Variants in TNRC6C observed in about 807,000 individuals in gnomAD.
The protein encoded by TNRC6C is trinucleotide repeat-containing gene 6C protein.
Under a neutral mutation model 153.7 loss-of-function variants are expected in TNRC6C, and 20 were observed. The ratio of observed to expected loss-of-function variants is 0.13; its 90% CI spans 0.09 to 0.19. The LOEUF (loss-of-function observed/expected upper bound fraction) is 0.19. Among genes scored for constraint, TNRC6C ranks in the 10% least tolerant of loss-of-function variants. TNRC6C has a pLI of 1.00. For synonymous variants in TNRC6C, 811 were observed against 841.4 expected (o/e 0.96, Z 0.63); for missense variants, 1,987 against 2,172.0 (o/e 0.91, Z 1.69).
chr17:78,055,966 G>C (rs930533227), intron 3 of TNRC6C, among the ~76,000 whole-genome samples: 4 of 152,158 alleles, frequency 2.6e-5, no homozygotes, highest in African/African-American at 2.4e-5. Flanking sequence ...ACAGAGGTTA[G>C]AACCACATTG....
chr17:78,027,444 C>T (rs903303303), intron 1 of TNRC6C, among the ~76,000 whole-genome samples: 46 of 152,218 alleles, frequency 3.0e-4, no homozygotes, highest in African/African-American at 1.0e-3. Context: ...ACACAAACAC[C>T]GCAACCCTCT....
At chr17:78,099,785 C>G (rs2073556590) in intron 17 of TNRC6C, among the ~76,000 whole-genome samples, 1 of 152,210 alleles carries the variant, frequency 6.6e-6, no homozygotes, top group African/African-American at 2.4e-5. Context: ...TAACTCATTT[C>G]AGCATTAACT....
At chr17:77,972,039 GCAAA>G (rs1480175867) in intron 1 of TNRC6C, among the ~76,000 whole-genome samples, 5 of 151,670 alleles carry the variant, frequency 3.3e-5, no homozygotes, top group Non-Finnish European at 5.9e-5. Context: ...TAAACCGATG[GCAAA>G]CAAACAAAAA....
exon 3 of TNRC6C, chr17:78,051,391 A>G (rs1222747285): frequency 1.3e-6 from 2 of 1,549,688 alleles, no homozygotes; most frequent in Admixed American, 3.9e-5. Flanking sequence ...CAGGGTCGAG[A>G]CGCCGCCCCC....
chr17:78,048,644 A>G (rs995669239), intron 2 of TNRC6C, among the ~76,000 whole-genome samples: 6 of 152,366 alleles, frequency 3.9e-5, no homozygotes, highest in South Asian at 4.1e-4. Flanking sequence ...AAGAATTGAT[A>G]TAATTTTAAA....
chr17:78,070,773 G>A (rs183500406), intron 5 of TNRC6C, among the ~76,000 whole-genome samples: 8 of 152,246 alleles, frequency 5.3e-5, no homozygotes, highest in Non-Finnish European at 1.0e-4. Context: ...GAGCGCTTAG[G>A]ATTATTGGAT....
intron 5 of TNRC6C, among the ~76,000 whole-genome samples, chr17:78,068,270 T>C (rs1307945585): frequency 6.6e-6 from 1 of 152,258 alleles, no homozygotes; most frequent in Non-Finnish European, 1.5e-5. Flanking sequence ...GCCACCCTTC[T>C]CATGAAAAAT....
intron 4 of TNRC6C, 40 bp from the exon 7 acceptor site, chr17:78,067,717 G>C: frequency 6.4e-7 from 1 of 1,562,844 alleles, no homozygotes; most frequent in Non-Finnish European, 8.6e-7. Flanking sequence ...TCTGCGTTAG[G>C]GACATGAATT....
intron 9 of TNRC6C, among the ~76,000 whole-genome samples, chr17:78,078,985 C>T (rs901717707): frequency 6.6e-6 from 1 of 151,826 alleles, no homozygotes; most frequent in African/African-American, 2.4e-5. Context: ...CCCAGCTCCT[C>T]GGGAGACTGA....
At chr17:78,025,293 C>T (rs534469354) in intron 1 of TNRC6C, among the ~76,000 whole-genome samples, 1 of 152,296 alleles carries the variant, frequency 6.6e-6, no homozygotes, top group East Asian at 1.9e-4. Flanking sequence ...TTTGCCTTCT[C>T]CAAAATGTCA....
chr17:78,067,840 G>T (rs1404599101), exon 5 of TNRC6C: 7 of 1,613,864 alleles, frequency 4.3e-6, no homozygotes, highest in African/African-American at 1.3e-5. Flanking sequence ...TGAAGAAGGG[G>T]ACGTGTGGAA....
chr17:78,100,770 CT>C (rs56816459), intron 17 of TNRC6C, among the ~76,000 whole-genome samples: 16,145 of 103,650 alleles, frequency 0.16, 362 homozygotes, highest in African/African-American at 0.2. Context: ...ATGGGATTTC[CT>C]TTTTTTTTTT....
At chr17:77,966,272 T>A (rs941821016) in intron 1 of TNRC6C, among the ~76,000 whole-genome samples, 2 of 152,166 alleles carry the variant, frequency 1.3e-5, no homozygotes, top group African/African-American at 4.8e-5. Flanking sequence ...AGTTGTTGGC[T>A]CCTTAGGAAC....
intron 8 of TNRC6C, among the ~76,000 whole-genome samples, chr17:78,076,594 T>C (rs2073090114): frequency 6.6e-6 from 1 of 152,230 alleles, no homozygotes; most frequent in Non-Finnish European, 1.5e-5. Context: ...AACCCTAAAT[T>C]GGGACCCTGA....
chr17:78,055,372 A>T (rs1027326939), intron 3 of TNRC6C, among the ~76,000 whole-genome samples: 2 of 152,156 alleles, frequency 1.3e-5, no homozygotes, highest in South Asian at 4.1e-4. Flanking sequence ...AAAGACATAA[A>T]CTGGTAACAT....
chr17:78,004,334 C>T (rs575369378), upstream of TNRC6C: 23 of 1,230,680 alleles, frequency 1.9e-5, no homozygotes, highest in Non-Finnish European at 2.3e-5. Context: ...ATCATCATAG[C>T]CATTATATGA....
chr17:78,068,007 AAGAT>A (rs1598752658), intron 5 of TNRC6C, 84 bp downstream of exon 7: 15 of 1,479,130 alleles, frequency 1.0e-5, no homozygotes, highest in East Asian at 2.3e-5. Context: ...ATCAGACAAA[AAGAT>A]AGACCTGAGG....
At chr17:78,072,195 G>T (rs1342754537) in intron 6 of TNRC6C, among the ~76,000 whole-genome samples, 1 of 152,250 alleles carries the variant, frequency 6.6e-6, no homozygotes, top group Non-Finnish European at 1.5e-5. Context: ...CTGCCTGTGT[G>T]AGTGGGCAAG....
At chr17:77,988,210 C>T (rs970586681) in intron 1 of TNRC6C, among the ~76,000 whole-genome samples, 1 of 152,114 alleles carries the variant, frequency 6.6e-6, no homozygotes, top group Admixed American at 6.5e-5. Context: ...CTTGTCTCTA[C>T]AAAAAATTAA....
Sources: allele counts gnomAD v4.1 joint callset (sites outside exome capture counted in the v4.1 genomes callset), GRCh38; gene constraint gnomAD v4.1.1; transcripts MANE v1.5; gene names NCBI Gene and HGNC (gene_info 2026-07-23, HGNC 2026-07-21).